The following PPP2R1B variants were observed in gnomAD, a reference collection of about 807,000 sequenced individuals.
The protein encoded by PPP2R1B is protein phosphatase 2 scaffold subunit Abeta.
PPP2R1B carries 58 observed loss-of-function variants against 72.7 expected under a neutral mutation model. The observed-to-expected ratio is 0.80, with a 90% CI of 0.65 to 0.99. PPP2R1B has a LOEUF of 0.99. Ranked by LOEUF, PPP2R1B falls within the 50% of genes least tolerant of loss-of-function variation. The probability of loss-of-function intolerance (pLI) is 0.00; values close to 1 mark genes in which losing one functional copy is unlikely to be tolerated. For synonymous variants in PPP2R1B, 256 were observed against 264.6 expected (o/e 0.97, Z 0.32); for missense variants, 695 against 733.6 (o/e 0.95, Z 0.61).
chr11:111,754,994 G>A lies in PPP2R1B; in HGVS notation c.944C>T (p.Ala315Val). Residue 315 changes from alanine (A) to valine (V), a missense_variant, in exon 7 of 15, where the codon GCC (alanine) becomes GTC (valine). Transcript: ENST00000527614. ...AACTCCTTAACCTTTTACTTTGTGGGCAGCAGCTGCCCGGACTTCAGCTTC... is the reference window on the plus strand; with the variant it reads ...AACTCCTTAACCTTTTACTTTGTGGACAGCAGCTGCCCGGACTTCAGCTTC... ...DCEAEVRAAA[A>V]HKVKELGENL... The A allele has an allele frequency of 6.2e-7, 1 of 1,611,774 alleles. No homozygotes were observed. The highest frequency in any genetic ancestry group is 8.5e-7 in the Non-Finnish European group (1 of 1,178,148).
downstream of PPP2R1B, chr11:111,724,882 C>T (rs1943920082): frequency 1.3e-5 from 2 of 152,306 alleles, no homozygotes; most frequent in Admixed American, 6.5e-5. Flanking sequence ...GACCCGCCAC[C>T]GTGGAGGCAG....
At chr11:111,692,952 A>G in the PPP2R1B span, among the ~76,000 whole-genome samples, 1 of 152,184 alleles carries the variant, frequency 6.6e-6, no homozygotes, top group Non-Finnish European at 1.5e-5. Flanking sequence ...ACAAAATGGA[A>G]TAGAAGTATC....
In PPP2R1B at chr11:111,752,281, C is replaced by T. The variant is rs782417303; in HGVS notation, c.1216G>A (p.Val406Met). The change falls in exon 10 of 15, where the codon GTG becomes ATG. Residue 406 changes from valine (V) to methionine (M), a missense_variant. By Grantham distance (21) the Val-to-Met change is conservative. Transcript: ENST00000527614. ...IISNLDCVNE[V>M]IGIRQLSQSL... ...TGAGAGAGCTGACGGATTCCAATCA[C>T]TTCATTTACACAATCCAAATTGGAG... is the stretch of plus-strand genomic sequence containing the variant. 52 of 1,613,980 alleles carry T rather than the reference C, an allele frequency of 3.2e-5. No individual in the cohort carries two copies. The highest frequency in any genetic ancestry group is 4.1e-5 in the Non-Finnish European group (48 of 1,180,002).
intron 10 of PPP2R1B, among the ~76,000 whole-genome samples, chr11:111,748,898 G>A (rs1177367569): frequency 6.6e-6 from 1 of 151,996 alleles, no homozygotes; most frequent in Admixed American, 6.6e-5. Context: ...CCAGGCTGGA[G>A]TACAGTGGCA....
rs1299021649 is a variant in PPP2R1B, at chr11:111,740,691, TACA to T, written c.*902_*904del. On this transcript the variant is annotated 3_prime_UTR_variant, in exon 15 of 15. Transcript: ENST00000527614. The stretch of plus-strand genomic sequence containing the variant: ...AAAACTGCAGTTTGAAAAGCTACTG[TACA>T]ATGCAGCAAGGACTAGGTGTCAATA... 3.0e-6 allele frequency: 3 copies of T among 985,238 alleles called. No individual in the cohort carries two copies. The African/African-American group carries it at 5.2e-5, about 17-fold the overall frequency. 61.0% of individuals were successfully genotyped at this position (985,238 alleles called of 1,614,324 possible). A position where few individuals can be genotyped will look rare whatever the true frequency, so the allele number is the denominator to read the frequency against.
the PPP2R1B span, chr11:111,700,959 C>T: frequency 6.2e-7 from 1 of 1,613,922 alleles, no homozygotes; most frequent in African/African-American, 1.3e-5. Context: ...CTTATGCAGC[C>T]CCAGAAGTCT....
At chr11:111,709,232 G>A in the PPP2R1B span, among the ~76,000 whole-genome samples, 30 of 152,324 alleles carry the variant, frequency 2.0e-4, no homozygotes, top group African/African-American at 7.0e-4. Context: ...TGGAGAGAAA[G>A]ATCTCTGGTG....
downstream of PPP2R1B, chr11:111,723,767 G>A (rs145172527): frequency 2.2e-4 from 358 of 1,613,952 alleles, 2 homozygotes; most frequent in South Asian, 2.7e-3. Context: ...CTCCACTTCC[G>A]GTCCCCGGGC....
chr11:111,722,619 G>T, downstream of PPP2R1B: 1 of 1,561,430 alleles, frequency 6.4e-7, no homozygotes. This position sits in a 1 kb window ranked among gnomAD's most constrained non-coding sequence, Gnocchi z 4.4. Flanking sequence ...CTGCATCCTA[G>T]GTGACAGCAC....
At position 111,766,323 on chromosome 11, in the gene PPP2R1B, T is replaced by C. The variant is rs781989464; in HGVS notation, c.39A>G (p.Ala13=). 9.0e-6 allele frequency: 14 copies of C among 1,554,250 alleles called. No individual in the cohort carries two copies. In the Admixed American group the frequency reaches 2.0e-4, roughly 22 times the overall value. ...GASELGTGPG[A]AGGDGDDSLY... is the part of the protein sequence containing the mutation. Reference sequence around the variant, plus strand: ...GCGAATCATCTCCATCTCCACCCGCTGCTCCTGGGCCGGTCCCGAGCTCTG... The same window carrying C: ...GCGAATCATCTCCATCTCCACCCGCCGCTCCTGGGCCGGTCCCGAGCTCTG... Residue 13 remains alanine (A), a synonymous_variant, in exon 1 of 15, where the codon GCA becomes GCG. Coordinates refer to ENST00000527614, the MANE Select transcript of PPP2R1B (RefSeq NM_002716.5).
chr11:111,690,624 C>T, the PPP2R1B span, among the ~76,000 whole-genome samples: 1 of 151,334 alleles, frequency 6.6e-6, no homozygotes, highest in African/African-American at 2.4e-5. Flanking sequence ...CCCTCACCCC[C>T]AAAGAGGCCC....
rs768896278 is a variant in PPP2R1B at position 111,743,474 on chromosome 11, C to A, written c.1456G>T (p.Gly486Cys). The change falls in exon 12 of 15, where the codon GGT (glycine) becomes TGT (cysteine). Residue 486 changes from glycine (G) to cysteine (C), a missense_variant. Physicochemically the swap from Gly to Cys is radical, Grantham distance 159. Coordinates refer to ENST00000527614, the MANE Select transcript of PPP2R1B (RefSeq NM_002716.5). ...NNLMKLVQKFGTEWAQNTIVP... is the reference protein window; with the variant it reads ...NNLMKLVQKFCTEWAQNTIVP... ...ATAGTATTTTGGGCCCACTCTGTAC[C>A]AAACTTCTGAACTAGTTTCATGAGG... The A allele has an allele frequency of 1.9e-6, 3 of 1,613,878 alleles. No homozygotes were observed.
chr11:111,727,167 CTTCT>C, intron 15 of PPP2R1B: 1 of 854,588 alleles, frequency 1.2e-6, no homozygotes, highest in South Asian at 1.5e-5. Context: ...CCTGCACTGC[CTTCT>C]GTCACCGTGG....
chr11:111,734,448 T>C (rs1425864241), downstream of PPP2R1B, among the ~76,000 whole-genome samples: 1 of 152,202 alleles, frequency 6.6e-6, no homozygotes, highest in Non-Finnish European at 1.5e-5. Flanking sequence ...TAGGTCAAGC[T>C]CCAGTGTGGA....
chr11:111,720,887 G>A, the PPP2R1B span: 1 of 1,612,774 alleles, frequency 6.2e-7, no homozygotes, highest in Non-Finnish European at 8.5e-7. Flanking sequence ...TGGTCTTGGT[G>A]CTTTCTTTCA....
chr11:111,695,262 G>C, the PPP2R1B span, among the ~76,000 whole-genome samples: 2 of 152,174 alleles, frequency 1.3e-5, no homozygotes, highest in Non-Finnish European at 2.9e-5. Context: ...AAAGCCATCT[G>C]CTGCTCTGTA....
chr11:111,758,602 A>G (rs2136101115), intron 5 of PPP2R1B, among the ~76,000 whole-genome samples: 1 of 152,258 alleles, frequency 6.6e-6, no homozygotes, highest in South Asian at 2.1e-4. Flanking sequence ...AAAGAAAAGA[A>G]AAGAAAAGAA....
Position 111,760,101 on chromosome 11 carries a change from C to G in PPP2R1B, c.540-150G>C, listed in dbSNP as rs1339748007. The G allele has an allele frequency of 5.4e-6, 5 of 932,068 alleles. No individual in the cohort carries two copies. The African/African-American group carries it at 6.8e-5, about 13-fold the overall frequency. 57.7% of individuals were successfully genotyped at this position (932,068 alleles called of 1,614,324 possible). A position where few individuals can be genotyped will look rare whatever the true frequency, so the allele number is the denominator to read the frequency against. On this transcript the variant is annotated intron_variant, in intron 4 of 14. Transcript: ENST00000527614. ...AGAAGTAACAAAAATAAAACATATT[C>G]AACTGGATAATAAAAAATGACATCA...
At chr11:111,688,110 C>T in the PPP2R1B span, 1 of 1,614,062 alleles carries the variant, frequency 6.2e-7, no homozygotes, top group Non-Finnish European at 8.5e-7. The surrounding 1 kb of genome is among the most constrained non-coding windows in gnomAD (Gnocchi z 4.2). Flanking sequence ...TGCACCGTGA[C>T]CTCAAAGCTG....
Sources: allele counts gnomAD v4.1 joint callset (sites outside exome capture counted in the v4.1 genomes callset), GRCh38; gene constraint gnomAD v4.1.1; non-coding constraint Gnocchi (gnomAD v3.1); transcripts MANE v1.5; gene names NCBI Gene and HGNC (gene_info 2026-07-23, HGNC 2026-07-21).